CAMSAP3: variants seen among roughly 807,000 people sequenced by gnomAD.
CAMSAP3 encodes the protein calmodulin-regulated spectrin-associated protein 3.
CAMSAP3 carries 34 observed loss-of-function variants against 112.5 expected under a neutral mutation model. That is an observed-to-expected ratio of 0.30 (90% confidence interval 0.23 to 0.40). The LOEUF is 0.40. CAMSAP3 is among the 10% of genes least tolerant of loss of function. The pLI, the probability that CAMSAP3 is intolerant of heterozygous loss-of-function variation, is 1.00. For missense variants in CAMSAP3, 1,602 were observed against 1,770.3 expected, an observed-to-expected ratio of 0.90 and a Z score of 1.71; for synonymous variants, 868 against 799.8, an observed-to-expected ratio of 1.09 and a Z score of -1.44.
In CAMSAP3 at chr19:7,615,869, G is replaced by A. The variant is rs927306014; in HGVS notation, c.3112+150G>A. ...GTGGGGTGACAGGGGGCCTCAGGTG[G>A]GGTTGGACACTGTCTCTTGGGTAAA... On this transcript the variant is annotated intron_variant, in intron 13 of 16. Coordinates refer to ENST00000160298, the MANE Select transcript of CAMSAP3 (RefSeq NM_020902.2). The surrounding 1 kb of genome is among the most constrained non-coding windows in gnomAD (Gnocchi z 6.5). 4.6e-6 allele frequency: 3 copies of A among 646,376 alleles called. No homozygotes were observed. Among genetic ancestry groups the A allele is most frequent in the Non-Finnish European group, 7.0e-6 (3 of 427,472 alleles). The allele number at this position is 646,376 out of a possible 1,614,324, so 40.0% of individuals were successfully genotyped here.
Position 7,606,888 on chromosome 19 carries a change from C to T in CAMSAP3, c.621+317C>T, listed in dbSNP as rs1402790181. 1.8e-5 allele frequency: 27 copies of T among 1,515,770 alleles called. No homozygotes were observed. In the Admixed American group the frequency reaches 4.2e-4, roughly 24 times the overall value. The allele number at this position is 1,515,770 out of a possible 1,614,324, so 93.9% of individuals were successfully genotyped here. On this transcript the variant is annotated intron_variant, in intron 4 of 16. Transcript: ENST00000160298. ...TGTCTGTATGTCTGTTTCTGCCTGC[C>T]TGTCTGCGCGCCCTCTCATACCTCC...
rs561063882 is a variant in CAMSAP3, at chr19:7,607,500, C to T, written c.622-626C>T. 6.6e-6 allele frequency among the ~76,000 whole-genome samples: 1 copy of T among 152,292 alleles called. No individual in the cohort carries two copies. Among genetic ancestry groups the T allele is most frequent in the South Asian group, 2.1e-4 (1 of 4,828 alleles). The stretch of plus-strand genomic sequence containing the variant: ...GGGCTGGCTGGCGTCCCCACCTTTG[C>T]TCACTCCTTCCCCCACCCTGGGGCC... On this transcript the variant is annotated intron_variant, in intron 4 of 16. Transcript: ENST00000160298. The surrounding 1 kb of genome is among the most constrained non-coding windows in gnomAD (Gnocchi z 4.9).
intron 2 of CAMSAP3, 93 bp from the exon 3 acceptor site, chr19:7,606,178 C>CCCCCA: frequency 8.0e-7 from 1 of 1,245,030 alleles, no homozygotes; most frequent in Non-Finnish European, 1.1e-6. Context: ...AAGTCCCTCC[C>CCCCCA]ATCTGCAGGT....
In CAMSAP3 at chr19:7,616,556, C is replaced by T; in HGVS notation, c.3146C>T (p.Thr1049Ile). Residue 1049 changes from threonine (T) to isoleucine (I), a missense_variant, in exon 14 of 17, where the codon ACC becomes ATC. Transcript: ENST00000160298. ...SRLSKIYSQS[T>I]LSLSTVANEA... ...CTGAGCAAAATCTATTCCCAGTCCA[C>T]CCTGTCACTGTCCACTGTGGCCAAC... 6.2e-7 allele frequency: 1 copy of T among 1,613,374 alleles called. No individual in the cohort carries two copies.
At position 7,611,755 on chromosome 19, in the gene CAMSAP3, T is replaced by C. The variant is rs2030499593; in HGVS notation, c.1262T>C (p.Met421Thr). ...CTGGACAGCGACGTGGATGTCGTCA[T>C]GGGAGACCCTGTGCTCCTCCGCTCT... ...FGLDSDVDVVMGDPVLLRSVS... is the reference protein window; with the variant it reads ...FGLDSDVDVVTGDPVLLRSVS... Residue 421 changes from methionine to threonine, a missense_variant, in exon 11 of 17, where the codon ATG (methionine) becomes ACG (threonine). Met to Thr is a moderately conservative substitution (Grantham distance 81). Coordinates refer to ENST00000160298, the MANE Select transcript of CAMSAP3 (RefSeq NM_020902.2). The surrounding 1 kb of genome is among the most constrained non-coding windows in gnomAD (Gnocchi z 6.9). 1 of 1,586,730 alleles carries C rather than the reference T, an allele frequency of 6.3e-7. No individual in the cohort carries two copies. Among genetic ancestry groups the C allele is most frequent in the Non-Finnish European group, 8.6e-7 (1 of 1,165,582 alleles).
chr19:7,599,754 C>T (rs1250062490), intron 1 of CAMSAP3, among the ~76,000 whole-genome samples: 5 of 112,860 alleles, frequency 4.4e-5, no homozygotes, highest in Admixed American at 2.0e-4. Context: ...CATCCAACCA[C>T]GCACTCATCC....
Position 7,611,855 on chromosome 19 carries a change from T to G in CAMSAP3, c.1362T>G (p.Gly454=), listed in dbSNP as rs763311683. 1 of 1,567,890 alleles carries G rather than the reference T, an allele frequency of 6.4e-7. No homozygotes were observed. Among genetic ancestry groups the G allele is most frequent in the Admixed American group, 1.8e-5 (1 of 54,614 alleles). The change falls in exon 11 of 17, where the codon GGT becomes GGG. Residue 454 remains glycine, a synonymous_variant. Transcript: ENST00000160298. The surrounding 1 kb of genome is among the most constrained non-coding windows in gnomAD (Gnocchi z 6.9). The part of the protein sequence containing the change: ...RTPTQPPPEP[G]DLPTIEEALQ... ...CCACCCAGCCACCCCCGGAGCCTGGTGACCTGCCCACCATCGAGGAAGCTC... is the reference window on the plus strand; with the variant it reads ...CCACCCAGCCACCCCCGGAGCCTGGGGACCTGCCCACCATCGAGGAAGCTC...
At position 7,617,643 on chromosome 19, in the gene CAMSAP3, G is replaced by A. The variant is rs777661235; in HGVS notation, c.3426G>A (p.Gln1142=). 1 of 1,614,152 alleles carries A rather than the reference G, an allele frequency of 6.2e-7. No homozygotes were observed. The highest frequency in any genetic ancestry group is 1.1e-5 in the South Asian group (1 of 91,090). Residue 1142 remains glutamine (Q), a synonymous_variant, in exon 16 of 17, where the codon CAG becomes CAA. Coordinates refer to ENST00000160298, the MANE Select transcript of CAMSAP3 (RefSeq NM_020902.2). This position sits in a 1 kb window ranked among gnomAD's most constrained non-coding sequence, Gnocchi z 7.5. ...TGGCGGGCAAGGTGAACGAACCGCA[G>A]AAGAATCGCATTCTGGAGGTGAGCC... ...CCLAGKVNEP[Q]KNRILEEIEK...
In CAMSAP3 at chr19:7,618,240, C is replaced by T; in HGVS notation, c.*183C>T. On this transcript the variant is annotated 3_prime_UTR_variant, in exon 17 of 17. Transcript: ENST00000160298. The stretch of plus-strand genomic sequence containing the variant: ...GGCTGAGCTGGGAGGTTCAGGGACT[C>T]AGGGCTCAGCTCAGTCCCCTTGTCT... The T allele has an allele frequency of 7.9e-6, 5 of 629,924 alleles. No homozygotes were observed. The highest frequency in any genetic ancestry group is 1.4e-5 in the Non-Finnish European group (5 of 365,142). The allele number at this position is 629,924 out of a possible 1,614,324, so 39.0% of individuals were successfully genotyped here.
In CAMSAP3 at chr19:7,612,768, C is replaced by T; in HGVS notation, c.2275C>T (p.Pro759Ser). Residue 759 changes from proline to serine, a missense_variant, in exon 11 of 17, where the codon CCC becomes TCC. Coordinates refer to ENST00000160298, the MANE Select transcript of CAMSAP3 (RefSeq NM_020902.2). Reference protein sequence around the residue: ...TTGPKAASPSPARRVPATRRS... With the variant: ...TTGPKAASPSSARRVPATRRS... ...GGGGCCCAAAGCTGCATCCCCCAGCCCCGCCCGGCGAGTCCCGGCCACCCG... is the reference window on the plus strand; with the variant it reads ...GGGGCCCAAAGCTGCATCCCCCAGCTCCGCCCGGCGAGTCCCGGCCACCCG... The T allele has an allele frequency of 1.3e-6, 2 of 1,531,486 alleles. No individual in the cohort carries two copies. The highest frequency in any genetic ancestry group is 1.7e-6 in the Non-Finnish European group (2 of 1,144,044). The allele number at this position is 1,531,486 out of a possible 1,614,324, so 94.9% of individuals were successfully genotyped here.
At position 7,607,755 on chromosome 19, in the gene CAMSAP3, G is replaced by C. The variant is rs2030291753; in HGVS notation, c.622-371G>C. On this transcript the variant is annotated intron_variant, in intron 4 of 16. Transcript: ENST00000160298. The surrounding 1 kb of genome is among the most constrained non-coding windows in gnomAD (Gnocchi z 4.9). Reference sequence around the variant, plus strand: ...TCAGGGCTACCCCCTCCCCCCCAAGGTGGGCTTGGGGGCCCAGCAGGTCAG... The same window carrying C: ...TCAGGGCTACCCCCTCCCCCCCAAGCTGGGCTTGGGGGCCCAGCAGGTCAG... 1.7e-6 allele frequency: 1 copy of C among 584,698 alleles called. No individual in the cohort carries two copies. The highest frequency in any genetic ancestry group is 3.1e-6 in the Non-Finnish European group (1 of 323,830). 36.2% of individuals were successfully genotyped at this position (584,698 alleles called of 1,614,324 possible).
intron 11 of CAMSAP3, among the ~76,000 whole-genome samples, chr19:7,613,670 A>C (rs979518729): frequency 6.6e-6 from 1 of 151,804 alleles, no homozygotes; most frequent in African/African-American, 2.4e-5. Flanking sequence ...AGACAGATGG[A>C]TGAATGGCTG....
Position 7,615,596 on chromosome 19 carries a change from G to A in CAMSAP3, c.2989G>A (p.Val997Met). The change falls in exon 13 of 17, where the codon GTG becomes ATG. Residue 997 changes from valine to methionine, a missense_variant. By Grantham distance (21) the Val-to-Met change is conservative (BLOSUM62 1). Coordinates refer to ENST00000160298, the MANE Select transcript of CAMSAP3 (RefSeq NM_020902.2). The surrounding 1 kb of genome is among the most constrained non-coding windows in gnomAD (Gnocchi z 6.5). ...QLKLMDDLDK[V>M]LRPRAAGSGG... ...GAAGCTGATGGACGACCTCGATAAG[G>A]TGCTGCGGCCCCGGGCTGCGGGGTC... is the stretch of plus-strand genomic sequence containing the variant. 6.7e-7 allele frequency: 1 copy of A among 1,482,876 alleles called. No individual in the cohort carries two copies. The highest frequency in any genetic ancestry group is 9.0e-7 in the Non-Finnish European group (1 of 1,117,180). 91.9% of individuals were successfully genotyped at this position (1,482,876 alleles called of 1,614,324 possible).
At chr19:7,605,730 C>T (rs900062906) in intron 2 of CAMSAP3, among the ~76,000 whole-genome samples, 1 of 151,162 alleles carries the variant, frequency 6.6e-6, no homozygotes, top group South Asian at 2.1e-4. Context: ...TCCCCTCAAG[C>T]GCTATCCATT....
rs1344325742 is a variant in CAMSAP3, at chr19:7,618,051, C to G, written c.3744C>G (p.Pro1248=). Residue 1248 remains proline (P), a synonymous_variant, in exon 17 of 17, where the codon CCC becomes CCG. Coordinates refer to ENST00000160298, the MANE Select transcript of CAMSAP3 (RefSeq NM_020902.2). ...CTCCCAAGAAGGGCGGCGGCACCCCCAAATAGCCCCACCCGGGCGGTCCAC... is the reference window on the plus strand; with the variant it reads ...CTCCCAAGAAGGGCGGCGGCACCCCGAAATAGCCCCACCCGGGCGGTCCAC... The part of the protein sequence containing the change: ...PTTPKKGGGT[P]K 1.2e-6 allele frequency: 2 copies of G among 1,611,190 alleles called. No individual in the cohort carries two copies. Among genetic ancestry groups the G allele is most frequent in the African/African-American group, 2.7e-5 (2 of 74,914 alleles).
chr19:7,606,120 C>G, intron 2 of CAMSAP3, 151 bp from the exon 3 acceptor site: 1 of 883,258 alleles, frequency 1.1e-6, no homozygotes, highest in African/African-American at 1.7e-5. Context: ...CTTAAGGCCC[C>G]ACCCATGAAC....
In CAMSAP3 at chr19:7,595,985, C is replaced by A; in HGVS notation, c.-18C>A. 9.4e-7 allele frequency: 1 copy of A among 1,065,908 alleles called. No individual in the cohort carries two copies. Among genetic ancestry groups the A allele is most frequent in the Non-Finnish European group, 1.1e-6 (1 of 875,456 alleles). The allele number at this position is 1,065,908 out of a possible 1,614,324, so 66.0% of individuals were successfully genotyped here. A position where few individuals can be genotyped will look rare whatever the true frequency, so the allele number is the denominator to read the frequency against. Reference sequence around the variant, plus strand: ...CCAGTCCGAGCGCGGACCCGGCGCCCGCAGCCCCGGCGCCGCCATGGTGGA... The same window carrying A: ...CCAGTCCGAGCGCGGACCCGGCGCCAGCAGCCCCGGCGCCGCCATGGTGGA... On this transcript the variant is annotated 5_prime_UTR_variant, in exon 1 of 17. Transcript: ENST00000160298.
intron 1 of CAMSAP3, among the ~76,000 whole-genome samples, chr19:7,596,841 G>T (rs1282405804): frequency 6.6e-6 from 1 of 152,168 alleles, no homozygotes; most frequent in East Asian, 1.9e-4. Context: ...ATCGCCTGGG[G>T]TGGGCCCCCC....
intron 13 of CAMSAP3, chr19:7,616,318 G>A (rs2030786442): frequency 5.5e-6 from 3 of 543,044 alleles, no homozygotes; most frequent in South Asian, 4.3e-5. Flanking sequence ...GTTGCCAGTA[G>A]GGGCTGACCC....
Sources: allele counts gnomAD v4.1 joint callset (sites outside exome capture counted in the v4.1 genomes callset), GRCh38; gene constraint gnomAD v4.1.1; non-coding constraint Gnocchi (gnomAD v3.1); transcripts MANE v1.5; gene names NCBI Gene and HGNC (gene_info 2026-07-23, HGNC 2026-07-21).